Variants in MAP3K13 observed in about 807,000 individuals in gnomAD.
The protein encoded by MAP3K13 is mitogen-activated protein kinase kinase kinase 13.
Under a neutral mutation model 104.0 loss-of-function variants are expected in MAP3K13, and 52 were observed. The observed-to-expected ratio is 0.50, with a 90% CI of 0.40 to 0.63. MAP3K13 has a LOEUF of 0.63. Ranked by LOEUF, MAP3K13 falls within the 20% of genes least tolerant of loss-of-function variation. The pLI is 0.00. For missense variants in MAP3K13, 914 were observed against 1,218.5 expected, an observed-to-expected ratio of 0.75 and a Z score of 3.72; for synonymous variants, 394 against 442.2, an observed-to-expected ratio of 0.89 and a Z score of 1.37.
At chr3:185,467,448 G>C (rs1717509764) in intron 10 of MAP3K13, among the ~76,000 whole-genome samples, 1 of 152,144 alleles carries the variant, frequency 6.6e-6, no homozygotes, top group African/African-American at 2.4e-5. Context: ...AATGTGGAAA[G>C]TACCTGCAAA....
At chr3:185,380,496 C>A (rs1342254709) in intron 1 of MAP3K13, among the ~76,000 whole-genome samples, 1 of 132,446 alleles carries the variant, frequency 7.6e-6, no homozygotes, top group Non-Finnish European at 1.6e-5. Context: ...GGCGACAGAG[C>A]GAGACTCCAT....
intron 2 of MAP3K13, among the ~76,000 whole-genome samples, chr3:185,432,170 A>G (rs1245362062): frequency 6.6e-6 from 1 of 150,802 alleles, no homozygotes; most frequent in Non-Finnish European, 1.5e-5. Context: ...ATCCAGAGAT[A>G]ACCATTTCTA....
At chr3:185,410,081 G>A (rs1713344926) in intron 1 of MAP3K13, among the ~76,000 whole-genome samples, 1 of 152,182 alleles carries the variant, frequency 6.6e-6, no homozygotes, top group Non-Finnish European at 1.5e-5. Flanking sequence ...TAACGCTGCT[G>A]CTGACCTGAT....
chr3:185,385,340 G>A (rs1013201349), intron 1 of MAP3K13, among the ~76,000 whole-genome samples: 3 of 152,028 alleles, frequency 2.0e-5, no homozygotes, highest in South Asian at 2.1e-4. Flanking sequence ...TGTTGTTGTT[G>A]TTGTTGTTGT....
chr3:185,367,098 T>G (rs1440695896), intron 1 of MAP3K13, among the ~76,000 whole-genome samples: 1 of 152,226 alleles, frequency 6.6e-6, no homozygotes, highest in Admixed American at 6.5e-5. Flanking sequence ...GAGTTATTTT[T>G]TGTGTGTGCT....
intron 2 of MAP3K13, among the ~76,000 whole-genome samples, chr3:185,338,018 G>A (rs548499034): frequency 6.6e-6 from 1 of 152,054 alleles, no homozygotes; most frequent in Non-Finnish European, 1.5e-5. Context: ...TTGATAATGA[G>A]ACCCATAGGA....
intron 2 of MAP3K13, among the ~76,000 whole-genome samples, chr3:185,326,534 G>T (rs557287303): frequency 1.6e-4 from 25 of 152,218 alleles, no homozygotes; most frequent in African/African-American, 6.0e-4. Context: ...CAACTACTTT[G>T]TATGAGCTAC....
chr3:185,297,219 T>A (rs1331626580), intron 2 of MAP3K13, among the ~76,000 whole-genome samples: 3 of 152,240 alleles, frequency 2.0e-5, no homozygotes, highest in Admixed American at 6.5e-5. Context: ...AAGGCTCTGC[T>A]ACATTTGAGA....
At chr3:185,455,381 GATATATATATC>G (rs1716479751) in intron 7 of MAP3K13, among the ~76,000 whole-genome samples, 1 of 46,762 alleles carries the variant, frequency 2.1e-5, no homozygotes, top group African/African-American at 7.9e-5. Flanking sequence ...TGATATATAT[GATATATATATC>G]ATATATGAGA....
chr3:185,293,031 G>GTGTGTGAACT, intron 2 of MAP3K13: 1 of 985,136 alleles, frequency 1.0e-6, no homozygotes, highest in Non-Finnish European at 1.2e-6. Context: ...GTGTGTGAAC[G>GTGTGTGAACT]TGTGTGTACT....
intron 1 of MAP3K13, among the ~76,000 whole-genome samples, chr3:185,389,979 G>A (rs1711945227): frequency 6.6e-6 from 1 of 152,062 alleles, no homozygotes; most frequent in African/African-American, 2.4e-5. Flanking sequence ...GATGATAACT[G>A]GATTCTCATA....
At position 185,400,482 on chromosome 3, in the gene MAP3K13, A is replaced by T. The variant is rs189826657; in HGVS notation, c.-85-28015A>T. 2.0e-4 allele frequency among the ~76,000 whole-genome samples: 31 copies of T among 152,360 alleles called. No individual in the cohort carries two copies. The East Asian group carries it at 5.6e-3, about 27-fold the overall frequency. ...GCATCATCGTTATTGCTTAACACAG[A>T]TGATTAACATAGATGATTAACATAG... On this transcript the variant is annotated intron_variant, in intron 1 of 13. Coordinates refer to ENST00000265026, the MANE Select transcript of MAP3K13 (RefSeq NM_004721.5).
chr3:185,328,518 G>C (rs965421108), intron 2 of MAP3K13: 1 of 152,254 alleles, frequency 6.6e-6, no homozygotes, highest in Non-Finnish European at 1.5e-5. Flanking sequence ...TCAAAGTGCT[G>C]GGATTACAGG....
chr3:185,365,956 C>CCTTA (rs1220704439), intron 1 of MAP3K13, among the ~76,000 whole-genome samples: 1,243 of 121,072 alleles, frequency 0.01, 34 homozygotes, highest in Non-Finnish European at 0.018. Context: ...TCCCTCCCTT[C>CCTTA]CTTCCTTCCT....
At chr3:185,440,165 A>G (rs947927730) in intron 3 of MAP3K13, among the ~76,000 whole-genome samples, 1 of 152,206 alleles carries the variant, frequency 6.6e-6, no homozygotes, top group African/African-American at 2.4e-5. Context: ...AGAAAACTCA[A>G]CCTGACTGTT....
intron 2 of MAP3K13, among the ~76,000 whole-genome samples, chr3:185,429,618 T>C (rs1258068613): frequency 6.6e-6 from 1 of 152,054 alleles, no homozygotes; most frequent in Non-Finnish European, 1.5e-5. Flanking sequence ...ACTGTTTCTC[T>C]AAAATAATTA....
At chr3:185,290,789 G>A (rs913051860) in intron 2 of MAP3K13, among the ~76,000 whole-genome samples, 1 of 152,184 alleles carries the variant, frequency 6.6e-6, no homozygotes, top group Non-Finnish European at 1.5e-5. Flanking sequence ...CTGGCACAAA[G>A]TATAGATTCA....
intron 5 of MAP3K13, among the ~76,000 whole-genome samples, chr3:185,448,734 C>CA (rs1715724167): frequency 6.6e-6 from 1 of 152,160 alleles, no homozygotes; most frequent in Non-Finnish European, 1.5e-5. Context: ...GTCTCACCAA[C>CA]AAAATGTGCT....
intron 2 of MAP3K13, among the ~76,000 whole-genome samples, chr3:185,298,152 C>T (rs1458672697): frequency 6.6e-6 from 1 of 152,124 alleles, no homozygotes; most frequent in Admixed American, 6.5e-5. Flanking sequence ...GTTCCACTTG[C>T]AAAATGTGCT....
Sources: allele counts gnomAD v4.1 joint callset (sites outside exome capture counted in the v4.1 genomes callset), GRCh38; gene constraint gnomAD v4.1.1; transcripts MANE v1.5; gene names NCBI Gene and HGNC (gene_info 2026-07-23, HGNC 2026-07-21).